Variants in ZFHX4 observed in about 807,000 individuals in gnomAD.
The protein encoded by ZFHX4 is zinc finger homeobox 4.
ZFHX4 carries 56 observed loss-of-function variants against 267.6 expected under a neutral mutation model. That is an observed-to-expected ratio of 0.21 (90% CI 0.17 to 0.26). The LOEUF (loss-of-function observed/expected upper bound fraction) is 0.26, where lower values mean the gene tolerates loss of function less well. Among genes scored for constraint, ZFHX4 ranks in the 10% least tolerant of loss-of-function variants. The pLI, the probability that ZFHX4 is intolerant of heterozygous loss-of-function variation, is 1.00. For missense variants in ZFHX4, 4,332 were observed against 4,420.0 expected, an observed-to-expected ratio of 0.98 and a Z score of 0.56; for synonymous variants, 1,778 against 1,665.6, an observed-to-expected ratio of 1.07 and a Z score of -1.64.
At chr8:76,803,263 C>T (rs12056778) in intron 4 of ZFHX4, among the ~76,000 whole-genome samples, 2,852 of 147,528 alleles carry the variant, frequency 0.019, 131 homozygotes, top group East Asian at 0.14. Flanking sequence ...CGCGTGTGTG[C>T]GTGTGTGTGT....
At chr8:76,775,164 C>G (rs1384856111) in intron 3 of ZFHX4, among the ~76,000 whole-genome samples, 2 of 152,076 alleles carry the variant, frequency 1.3e-5, no homozygotes, top group Non-Finnish European at 2.9e-5. Context: ...ATGCAAAGAT[C>G]CATGGAAGAA....
At chr8:76,779,716 T>C (rs1486273525) in intron 4 of ZFHX4, among the ~76,000 whole-genome samples, 1 of 152,116 alleles carries the variant, frequency 6.6e-6, no homozygotes, top group East Asian at 1.9e-4. Context: ...CCCCTCTTAT[T>C]ATTTCAAATT....
At chr8:76,860,972 G>C (rs776157400) in intron 10 of ZFHX4, among the ~76,000 whole-genome samples, 12 of 152,156 alleles carry the variant, frequency 7.9e-5, no homozygotes, top group Non-Finnish European at 1.8e-4. Context: ...AGGCAAGGGA[G>C]TTATGCTTGT....
intron 3 of ZFHX4, among the ~76,000 whole-genome samples, chr8:76,730,313 A>C (rs1808969476): frequency 6.6e-6 from 1 of 152,192 alleles, no homozygotes; most frequent in African/African-American, 2.4e-5. Flanking sequence ...AACTCTGAAG[A>C]AAATGTATTC....
chr8:76,778,174 A>ACCAT (rs1810449200), intron 3 of ZFHX4, 34 bp from the exon 4 acceptor site: 1 of 1,411,242 alleles, frequency 7.1e-7, no homozygotes, highest in Non-Finnish European at 1.0e-6. Flanking sequence ...ATGGAGCTAG[A>ACCAT]CCATTGTTCT....
At chr8:76,818,570 T>TG (rs1195172554) in intron 4 of ZFHX4, among the ~76,000 whole-genome samples, 1 of 151,984 alleles carries the variant, frequency 6.6e-6, no homozygotes, top group Non-Finnish European at 1.5e-5. Flanking sequence ...GTCAACATAC[T>TG]GGGAGGCTGG....
intron 3 of ZFHX4, among the ~76,000 whole-genome samples, chr8:76,747,639 G>T (rs1809494546): frequency 6.6e-6 from 1 of 152,070 alleles, no homozygotes; most frequent in East Asian, 1.9e-4. Context: ...TTGACAAAAT[G>T]AAAGAATAAA....
rs968950485 is a variant in ZFHX4, at chr8:76,753,619, C to T, written c.3094-24589C>T. Among the ~76,000 whole-genome samples the T allele has an allele frequency of 1.5e-4, 21 of 143,196 alleles. No individual in the cohort carries two copies. The East Asian group carries it at 2.9e-3, about 20-fold the overall frequency. 93.9% of individuals were successfully genotyped at this position (143,196 alleles called of 152,430 possible). ...GTTTGTCTGTCACAGTCACTTCATTCGTCTTAGGCCTTTTTTTTTTTTTTT... is the reference window on the plus strand; with the variant it reads ...GTTTGTCTGTCACAGTCACTTCATTTGTCTTAGGCCTTTTTTTTTTTTTTT... On this transcript the variant is annotated intron_variant, in intron 3 of 10. Coordinates refer to ENST00000651372, the MANE Select transcript of ZFHX4 (RefSeq NM_024721.5).
At chr8:76,686,140 G>A (rs1298998894) in intron 1 of ZFHX4, among the ~76,000 whole-genome samples, 1 of 152,120 alleles carries the variant, frequency 6.6e-6, no homozygotes, top group Non-Finnish European at 1.5e-5. Context: ...ACAGCTGCAC[G>A]AATTTCATAT....
At position 76,705,918 on chromosome 8, in the gene ZFHX4, C is replaced by T. The variant is rs760924722; in HGVS notation, c.1830C>T (p.Gly610=). Residue 610 remains glycine, a synonymous_variant, in exon 2 of 11, where the codon GGC becomes GGT. Transcript: ENST00000651372. ...GGCCTGGAGGAGACGGCTCACCGGG[C>T]AGTGGCATCGAGTGTCCAAAGTGCG... ...TPGPGGDGSP[G]SGIECPKCDT... The T allele has an allele frequency of 1.1e-5, 17 of 1,613,482 alleles. No individual in the cohort carries two copies. Among genetic ancestry groups the T allele is most frequent in the Admixed American group, 5.0e-5 (3 of 59,950 alleles).
chr8:76,853,561 T>A lies in ZFHX4; in HGVS notation c.6640T>A (p.Ser2214Thr), dbSNP rs1405833717. The A allele has an allele frequency of 6.2e-7, 1 of 1,613,760 alleles. No individual in the cohort carries two copies. Among genetic ancestry groups the A allele is most frequent in the Non-Finnish European group, 8.5e-7 (1 of 1,179,858 alleles). Residue 2214 changes from serine (S) to threonine (T), a missense_variant, in exon 10 of 11, where the codon TCT (serine) becomes ACT (threonine). Physicochemically the swap from Ser to Thr is moderately conservative, Grantham distance 58 (BLOSUM62 1). Transcript: ENST00000651372. ...EDIRIDPQPT[S>T]LEHYKSDASF... ...TATCAGAATTGATCCACAGCCCACCTCTTTAGAACATTACAAATCTGATGC... is the reference window on the plus strand; with the variant it reads ...TATCAGAATTGATCCACAGCCCACCACTTTAGAACATTACAAATCTGATGC...
At chr8:76,796,666 AACCACACC>A (rs1355185643) in intron 4 of ZFHX4, among the ~76,000 whole-genome samples, 4 of 152,188 alleles carry the variant, frequency 2.6e-5, no homozygotes, top group Non-Finnish European at 4.4e-5. Context: ...GTAATGGTCT[AACCACACC>A]ACCCTGGAGA....
chr8:76,695,457 G>A (rs898973274), intron 1 of ZFHX4, among the ~76,000 whole-genome samples: 1 of 152,188 alleles, frequency 6.6e-6, no homozygotes, highest in Admixed American at 6.5e-5. Context: ...TGACATTATG[G>A]TAGAATGGAA....
chr8:76,798,510 A>G (rs1178112797), intron 4 of ZFHX4, among the ~76,000 whole-genome samples: 2 of 152,184 alleles, frequency 1.3e-5, no homozygotes, highest in East Asian at 3.8e-4. Flanking sequence ...GCTTGTGGAT[A>G]GAATATTTTA....
rs1247297483 is a variant in ZFHX4 at position 76,704,136 on chromosome 8, G to A, written c.48G>A (p.Gln16=). 1.9e-6 allele frequency: 3 copies of A among 1,613,852 alleles called. No homozygotes were observed. The South Asian group carries it at 3.3e-5, about 18-fold the overall frequency. Residue 16 remains glutamine, a synonymous_variant, in exon 2 of 11, where the codon CAG becomes CAA. Coordinates refer to ENST00000651372, the MANE Select transcript of ZFHX4 (RefSeq NM_024721.5). ...SPPISRQENG[Q]STSKLCGTTQ... is the part of the protein sequence containing the mutation. ...CTATCTCAAGGCAGGAAAATGGGCAGAGCACATCAAAGCTATGTGGAACGA... is the reference window on the plus strand; with the variant it reads ...CTATCTCAAGGCAGGAAAATGGGCAAAGCACATCAAAGCTATGTGGAACGA...
chr8:76,826,169 C>T (rs1811780230), intron 4 of ZFHX4, among the ~76,000 whole-genome samples: 1 of 152,118 alleles, frequency 6.6e-6, no homozygotes, highest in Non-Finnish European at 1.5e-5. Context: ...AGAGTGGGAT[C>T]AAAAGGGAGA....
At chr8:76,812,960 A>T (rs1030985573) in intron 4 of ZFHX4, among the ~76,000 whole-genome samples, 2 of 152,188 alleles carry the variant, frequency 1.3e-5, no homozygotes, top group Non-Finnish European at 2.9e-5. Context: ...AATGTTTAAG[A>T]TAGTGATGGC....
intron 3 of ZFHX4, among the ~76,000 whole-genome samples, chr8:76,722,377 A>G (rs2131641460): frequency 6.6e-6 from 1 of 152,162 alleles, no homozygotes; most frequent in East Asian, 1.9e-4. Flanking sequence ...TGAACACTTG[A>G]TGAGCCTAAT....
chr8:76,705,306 G>A lies in ZFHX4; in HGVS notation c.1218G>A (p.Val406=). ...LGITQMPKAE[V]NLGGLSSLVV... ...TTACCCAAATGCCAAAGGCTGAAGT[G>A]AATCTGGGGGGGCTGTCTAGTTTAG... The change falls in exon 2 of 11, where the codon GTG becomes GTA. Residue 406 remains valine (V), a synonymous_variant. Transcript: ENST00000651372. 1 of 1,614,016 alleles carries A rather than the reference G, an allele frequency of 6.2e-7. No homozygotes were observed. The highest frequency in any genetic ancestry group is 8.5e-7 in the Non-Finnish European group (1 of 1,179,892).
Sources: gnomAD v4.1 joint callset for allele counts (sites outside exome capture counted in the v4.1 genomes callset) on GRCh38, gnomAD v4.1.1 for gene constraint, MANE v1.5 for transcripts, NCBI Gene and HGNC (gene_info 2026-07-23, HGNC 2026-07-21) for gene names.